Variants in AGBL4 observed in about 807,000 individuals in gnomAD.
AGBL4 encodes cytosolic carboxypeptidase 6.
A neutral mutation model predicts 66.4 loss-of-function variants in AGBL4; 58 were observed. The ratio of observed to expected loss-of-function variants is 0.87; its 90% CI spans 0.71 to 1.09. AGBL4 has a LOEUF of 1.09. AGBL4 is among the 50% of genes least tolerant of loss of function. The pLI is 0.00. For missense variants in AGBL4, 579 were observed against 631.0 expected, an observed-to-expected ratio of 0.92 and a Z score of 0.88; for synonymous variants, 234 against 222.9, an observed-to-expected ratio of 1.05 and a Z score of -0.44.
intron 3 of AGBL4, among the ~76,000 whole-genome samples, chr1:49,389,650 C>T (rs1419002682): frequency 6.6e-6 from 1 of 152,082 alleles, no homozygotes; most frequent in Non-Finnish European, 1.5e-5. Context: ...AACATGGATT[C>T]ATTTATAAAT....
chr1:49,787,812 T>C (rs895648392), intron 2 of AGBL4, among the ~76,000 whole-genome samples: 3 of 152,008 alleles, frequency 2.0e-5, no homozygotes, highest in African/African-American at 7.2e-5. Context: ...CAATGAACTG[T>C]GACAACACAT....
chr1:49,898,628 G>GA (rs903748851), intron 1 of AGBL4, among the ~76,000 whole-genome samples: 76 of 151,492 alleles, frequency 5.0e-4, no homozygotes, highest in Non-Finnish European at 6.5e-4. Flanking sequence ...ATACGCAAAG[G>GA]AAAAAAAATC....
At position 50,004,971 on chromosome 1, in the gene AGBL4, A is replaced by G. The variant is rs955492358; in HGVS notation, c.34+18792T>C. 3.9e-5 allele frequency among the ~76,000 whole-genome samples: 6 copies of G among 152,216 alleles called. No individual in the cohort carries two copies. The East Asian group carries it at 5.8e-4, about 15-fold the overall frequency. Reference sequence around the variant, plus strand: ...ACCAAATGGACTCTTGGAATATGCAATTCCAGGAATGTAGAGCACAAGCAG... The same window carrying G: ...ACCAAATGGACTCTTGGAATATGCAGTTCCAGGAATGTAGAGCACAAGCAG... On this transcript the variant is annotated intron_variant, in intron 1 of 13. Coordinates refer to ENST00000371839, the MANE Select transcript of AGBL4 (RefSeq NM_032785.4).
intron 3 of AGBL4, among the ~76,000 whole-genome samples, chr1:49,329,681 GCACATGTGAA>G (rs1327404026): frequency 6.7e-6 from 1 of 150,340 alleles, no homozygotes. Context: ...CCAAAAAAAA[GCACATGTGAA>G]CACATGTGAA....
At chr1:49,440,226 C>T (rs181362082) in intron 3 of AGBL4, among the ~76,000 whole-genome samples, 19 of 152,114 alleles carry the variant, frequency 1.2e-4, no homozygotes, top group Admixed American at 3.9e-4. Context: ...CCCGCCACCA[C>T]GCTGGCTAAT....
Position 48,918,749 on chromosome 1 carries a change from A to G in AGBL4, c.595-51519T>C, listed in dbSNP as rs114526118. Among the ~76,000 whole-genome samples the G allele has an allele frequency of 2.6e-3, 400 of 152,280 alleles. 3 individuals are homozygous for G. The highest frequency in any genetic ancestry group is 9.3e-3 in the African/African-American group (388 of 41,568). On this transcript the variant is annotated intron_variant, in intron 5 of 13. Coordinates refer to ENST00000371839, the MANE Select transcript of AGBL4 (RefSeq NM_032785.4). ...TTGTTGTTTAGATGTCACCCAGTCT[A>G]TGGTACTTCCATAGTAGCCTGGACT...
chr1:49,630,186 C>A (rs965077180), intron 3 of AGBL4, among the ~76,000 whole-genome samples: 1 of 152,160 alleles, frequency 6.6e-6, no homozygotes, highest in African/African-American at 2.4e-5. Flanking sequence ...CTGTGGTCTG[C>A]AAAGGTGATC....
chr1:49,897,018 A>G (rs979455582), intron 1 of AGBL4, among the ~76,000 whole-genome samples: 2 of 152,208 alleles, frequency 1.3e-5, no homozygotes, highest in East Asian at 3.9e-4. Context: ...TTAATTTAAA[A>G]AAACTGAAAG....
chr1:49,301,542 G>A (rs1038237519), intron 3 of AGBL4, among the ~76,000 whole-genome samples: 3 of 152,136 alleles, frequency 2.0e-5, no homozygotes, highest in Admixed American at 6.5e-5. Context: ...ACTAATGAAA[G>A]GACACAAGGT....
At chr1:49,411,022 G>C (rs754652730) in intron 3 of AGBL4, among the ~76,000 whole-genome samples, 4 of 152,214 alleles carry the variant, frequency 2.6e-5, no homozygotes, top group Non-Finnish European at 5.9e-5. Context: ...AGGAGAATTA[G>C]CTCACACCAT....
chr1:48,977,447 T>C (rs935933609), intron 5 of AGBL4, among the ~76,000 whole-genome samples: 1 of 152,062 alleles, frequency 6.6e-6, no homozygotes, highest in Non-Finnish European at 1.5e-5. Flanking sequence ...TTTGAAACAG[T>C]GTTTAACATA....
At chr1:49,619,642 A>C (rs908890136) in intron 3 of AGBL4, among the ~76,000 whole-genome samples, 1 of 152,200 alleles carries the variant, frequency 6.6e-6, no homozygotes, top group African/African-American at 2.4e-5. Flanking sequence ...ATGGAACCAA[A>C]AAAGAGTCTG....
intron 6 of AGBL4, among the ~76,000 whole-genome samples, chr1:48,828,180 C>T (rs1646472335): frequency 7.2e-6 from 1 of 139,068 alleles, no homozygotes; most frequent in Admixed American, 7.4e-5. Flanking sequence ...TGGGCAACTC[C>T]ATCTCAAAAA....
At chr1:49,466,257 C>A (rs1406616999) in intron 3 of AGBL4, among the ~76,000 whole-genome samples, 1 of 151,762 alleles carries the variant, frequency 6.6e-6, no homozygotes, top group African/African-American at 2.4e-5. Context: ...TTGGGTTCCC[C>A]AAAAATAAGC....
At chr1:48,651,575 C>A (rs1375941014) in intron 8 of AGBL4, among the ~76,000 whole-genome samples, 1 of 152,222 alleles carries the variant, frequency 6.6e-6, no homozygotes. Flanking sequence ...GCATCACTCT[C>A]AGGCCTGCAA....
intron 1 of AGBL4, among the ~76,000 whole-genome samples, chr1:50,012,519 A>C (rs1033166021): frequency 3.3e-5 from 5 of 152,130 alleles, no homozygotes; most frequent in Admixed American, 6.5e-5. Context: ...ATAAATAAGA[A>C]AAAATTTTAA....
At chr1:48,776,023 G>A (rs1645062258) in intron 6 of AGBL4, among the ~76,000 whole-genome samples, 1 of 152,196 alleles carries the variant, frequency 6.6e-6, no homozygotes. Context: ...GTGCACTGAG[G>A]TTCATGGCCT....
chr1:48,564,572 G>A (rs1644446075), intron 11 of AGBL4, among the ~76,000 whole-genome samples: 2 of 152,042 alleles, frequency 1.3e-5, no homozygotes. Flanking sequence ...TACTTCCCCT[G>A]CCTATCAACT....
At chr1:48,995,495 A>G (rs1422984605) in intron 5 of AGBL4, among the ~76,000 whole-genome samples, 2 of 152,270 alleles carry the variant, frequency 1.3e-5, no homozygotes, top group African/African-American at 2.4e-5. Context: ...TCATTATAGC[A>G]GGAGAAGATT....
Sources: gnomAD v4.1 joint callset for allele counts (sites outside exome capture counted in the v4.1 genomes callset) on GRCh38, gnomAD v4.1.1 for gene constraint, MANE v1.5 for transcripts, NCBI Gene and HGNC (gene_info 2026-07-23, HGNC 2026-07-21) for gene names.